SCUBE2: variants seen among roughly 807,000 people sequenced by gnomAD.
SCUBE2 encodes signal peptide, CUB and EGF-like domain-containing protein 2.
A neutral mutation model predicts 125.9 loss-of-function variants in SCUBE2; 114 were observed. The observed-to-expected ratio is 0.91, with a 90% CI of 0.78 to 1.06. The LOEUF (loss-of-function observed/expected upper bound fraction) is 1.06, where lower values mean the gene tolerates loss of function less well. SCUBE2 is among the 50% of genes least tolerant of loss of function. The pLI, the probability that SCUBE2 is intolerant of heterozygous loss-of-function variation, is 0.00. For synonymous variants in SCUBE2, 459 were observed against 492.9 expected, an observed-to-expected ratio of 0.93 and a Z score of 0.91; for missense variants, 1,255 against 1,301.8, an observed-to-expected ratio of 0.96 and a Z score of 0.55.
At position 9,025,855 on chromosome 11, in the gene SCUBE2, C is replaced by G; in HGVS notation, c.2702-1G>C. ...TATGTTGTCACAGAATTGGATGAAGCTGCCAAGGGAAGTTGGAGAAGGGTG... is the reference window on the plus strand; with the variant it reads ...TATGTTGTCACAGAATTGGATGAAGGTGCCAAGGGAAGTTGGAGAAGGGTG... On this transcript the variant is annotated splice_acceptor_variant, in intron 20 of 22. Transcript: ENST00000649792. LOFTEE classifies it high-confidence loss of function. 1 of 1,613,352 alleles carries G rather than the reference C, an allele frequency of 6.2e-7. No individual in the cohort carries two copies.
rs1334161250 is a variant in SCUBE2, at chr11:9,021,929, T to C, written c.2881A>G (p.Ile961Val). The C allele has an allele frequency of 1.9e-6, 3 of 1,613,868 alleles. No homozygotes were observed. In the Admixed American group the frequency reaches 5.0e-5, roughly 27 times the overall value. ...GCATAGAGCCTGCCATCTCGAACTA[T>C]GTCTTCAATGAGTTCCTGGTAGTCC... is the stretch of plus-strand genomic sequence containing the variant. ...DEDYQELIED[I>V]VRDGRLYASE... is the part of the protein sequence containing the mutation. The change falls in exon 22 of 23, where the codon ATA becomes GTA. Residue 961 changes from isoleucine to valine, a missense_variant. This residue lies in a region of SCUBE2 where 515 missense variants were observed against 515.7 expected (regional missense o/e 1.00). Transcript: ENST00000649792.
chr11:9,059,682 C>G (rs1859467294), intron 8 of SCUBE2: 1 of 472,560 alleles, frequency 2.1e-6, no homozygotes, highest in African/African-American at 1.9e-5. Context: ...AGGAAACAAA[C>G]TCTGGGAAAG....
chr11:9,065,319 AGAGT>A (rs1485935137), intron 7 of SCUBE2, among the ~76,000 whole-genome samples: 2 of 152,146 alleles, frequency 1.3e-5, no homozygotes, highest in Non-Finnish European at 2.9e-5. Flanking sequence ...TTCTCATGAT[AGAGT>A]GAGATCATGA....
At chr11:9,062,543 C>T (rs928215008) in intron 7 of SCUBE2, among the ~76,000 whole-genome samples, 3 of 152,024 alleles carry the variant, frequency 2.0e-5, no homozygotes, top group Non-Finnish European at 2.9e-5. Flanking sequence ...GCCTCTAATA[C>T]GGAATGAATA....
In SCUBE2 at chr11:9,051,166, C is replaced by CA. The variant is rs201877677; in HGVS notation, c.1535-457dup. ...CAACAGAGTGAATGAGACTCCATTT[C>CA]AAAAAAAACAAAAAATTATCTATCT... is the stretch of plus-strand genomic sequence containing the variant. On this transcript the variant is annotated intron_variant, in intron 13 of 22. Coordinates refer to ENST00000649792, the MANE Select transcript of SCUBE2 (RefSeq NM_001367977.2). Among the ~76,000 whole-genome samples the CA allele has an allele frequency of 4.1e-3, 613 of 150,772 alleles. 2 individuals are homozygous for CA. Among genetic ancestry groups the CA allele is most frequent in the East Asian group, 6.6e-3 (34 of 5,118 alleles).
In SCUBE2 at chr11:9,019,920, G is replaced by T. The variant is rs149440192; in HGVS notation, c.*1125C>A. Among the ~76,000 whole-genome samples the T allele has an allele frequency of 3.1e-3, 467 of 152,304 alleles. 4 individuals carry two copies. Among genetic ancestry groups the T allele is most frequent in the African/African-American group, 0.011 (449 of 41,558 alleles). Reference sequence around the variant, plus strand: ...CACTGAAAATTCAAGTTCAAGAAATGATCGTGAGGCCCTGCTGGCCTGACC... The same window carrying T: ...CACTGAAAATTCAAGTTCAAGAAATTATCGTGAGGCCCTGCTGGCCTGACC... On this transcript the variant is annotated 3_prime_UTR_variant, in exon 23 of 23. Transcript: ENST00000649792.
rs760066946 is a variant in SCUBE2, at chr11:9,052,823, C to A, written c.1457G>T (p.Gly486Val). ...AGAGCCACAGGTGACAGAGTAGGCCCCTTGCAGTCCTGACAGACAGAATGT... is the reference window on the plus strand; with the variant it reads ...AGAGCCACAGGTGACAGAGTAGGCCACTTGCAGTCCTGACAGACAGAATGT... ...SGIHLSSGLQ[G>V]AYSVTCGSSS... is the part of the protein sequence containing the mutation. The change falls in exon 13 of 23, where the codon GGG becomes GTG. Residue 486 changes from glycine (G) to valine (V), a missense_variant. Gly to Val is a moderately radical substitution (Grantham distance 109). Transcript: ENST00000649792. 5 of 1,536,470 alleles carry A rather than the reference C, an allele frequency of 3.3e-6. No homozygotes were observed. Among genetic ancestry groups the A allele is most frequent in the Non-Finnish European group, 4.4e-6 (5 of 1,146,356 alleles).
intron 3 of SCUBE2, among the ~76,000 whole-genome samples, chr11:9,075,858 T>C (rs950536375): frequency 1.3e-5 from 2 of 152,162 alleles, no homozygotes; most frequent in African/African-American, 4.8e-5. Flanking sequence ...GGGAGCCTTG[T>C]GGGCTATGGG....
intron 5 of SCUBE2, 138 bp from the exon 6 acceptor site, chr11:9,066,951 C>A (rs574342600): frequency 7.4e-6 from 5 of 679,750 alleles, no homozygotes; most frequent in Non-Finnish European, 1.3e-5. Flanking sequence ...GCACGAAAGA[C>A]ATAACTCCAA....
At chr11:9,078,022 T>C (rs1861341747) in intron 3 of SCUBE2, among the ~76,000 whole-genome samples, 2 of 152,144 alleles carry the variant, frequency 1.3e-5, no homozygotes, top group Admixed American at 1.3e-4. Context: ...TGATGAAGTC[T>C]GCCATCAGAT....
At chr11:9,039,578 T>G (rs1032916536) in intron 16 of SCUBE2, among the ~76,000 whole-genome samples, 2 of 152,174 alleles carry the variant, frequency 1.3e-5, no homozygotes. Flanking sequence ...TGAGGCGGAA[T>G]ACTACACCTC....
At chr11:9,063,352 C>CA (rs1266943381) in intron 7 of SCUBE2, among the ~76,000 whole-genome samples, 3 of 152,082 alleles carry the variant, frequency 2.0e-5, no homozygotes, top group Non-Finnish European at 4.4e-5. Flanking sequence ...AATAGGTGGG[C>CA]AAAATCCCAC....
At chr11:9,026,250 CAGAA>C (rs1566159985) in intron 20 of SCUBE2, 1 of 161,882 alleles carries the variant, frequency 6.2e-6, no homozygotes. Flanking sequence ...CTGAAAACCA[CAGAA>C]AGTTGGTGCA....
intron 5 of SCUBE2, among the ~76,000 whole-genome samples, chr11:9,067,255 T>C (rs923827569): frequency 6.6e-6 from 1 of 152,228 alleles, no homozygotes; most frequent in Non-Finnish European, 1.5e-5. Flanking sequence ...ATTTCTCTCA[T>C]CAGATTCAAT....
At chr11:9,028,725 C>T (rs754453991) in intron 19 of SCUBE2, among the ~76,000 whole-genome samples, 17 of 152,078 alleles carry the variant, frequency 1.1e-4, no homozygotes, top group Non-Finnish European at 2.2e-4. Context: ...AGCCATGGGG[C>T]GGAGAATTGC....
intron 16 of SCUBE2, among the ~76,000 whole-genome samples, chr11:9,045,108 G>A (rs372887874): frequency 6.6e-6 from 1 of 152,112 alleles, no homozygotes; most frequent in Admixed American, 6.5e-5. Context: ...TGAGATGTTT[G>A]CGTGTTTCTT....
rs1413350189 is a variant in SCUBE2, at chr11:9,059,471, C to A, written c.968-46G>T. On this transcript the variant is annotated intron_variant, in intron 8 of 22. Transcript: ENST00000649792. ...GCATATCAGAGAGCAATACTTGCCT[C>A]ATTTCCCACAACTCCCTGAAGGGCC... 1.9e-6 allele frequency: 3 copies of A among 1,582,072 alleles called. No homozygotes were observed. The South Asian group carries it at 3.4e-5, about 18-fold the overall frequency.
At chr11:9,061,245 C>A (rs533502680) in intron 7 of SCUBE2, among the ~76,000 whole-genome samples, 2 of 152,058 alleles carry the variant, frequency 1.3e-5, no homozygotes, top group South Asian at 4.2e-4. Context: ...CCATAGCTAC[C>A]TCACTTTAAA....
At position 9,088,393 on chromosome 11, in the gene SCUBE2, CAGG is replaced by C. The variant is rs547291225; in HGVS notation, c.256+1311_256+1313del. On this transcript the variant is annotated intron_variant, in intron 2 of 22. Coordinates refer to ENST00000649792, the MANE Select transcript of SCUBE2 (RefSeq NM_001367977.2). ...ATCCCAGCTACTTGGGAGGCTGAGG[CAGG>C]AGAATTGCTTGGTCTCACACTCCTG... Among the ~76,000 whole-genome samples, 633 of 152,326 alleles carry C rather than the reference CAGG, an allele frequency of 4.2e-3. 3 individuals are homozygous for C. Among genetic ancestry groups the C allele is most frequent in the African/African-American group, 0.013 (549 of 41,586 alleles).
Sources: allele counts gnomAD v4.1 joint callset (sites outside exome capture counted in the v4.1 genomes callset), GRCh38; gene constraint gnomAD v4.1.1; regional missense constraint gnomAD v4.1.1; transcripts MANE v1.5; gene names NCBI Gene and HGNC (gene_info 2026-07-23, HGNC 2026-07-21).